The following PAK2 variants were observed in gnomAD, a reference collection of about 807,000 sequenced individuals.
The protein encoded by PAK2 is serine/threonine-protein kinase PAK 2.
Under a neutral mutation model 65.9 loss-of-function variants are expected in PAK2, and 21 were observed. That is an observed-to-expected ratio of 0.32 (90% confidence interval 0.23 to 0.46). The LOEUF is 0.46. Ranked by LOEUF, PAK2 falls within the 20% of genes least tolerant of loss-of-function variation. The pLI is 1.00. For synonymous variants in PAK2, 204 were observed against 219.7 expected (o/e 0.93, Z 0.63); for missense variants, 324 against 642.6 (o/e 0.50, Z 5.36).
chr3:196,768,508 T>G (rs9825029), intron 1 of PAK2, among the ~76,000 whole-genome samples: 1,705 of 145,138 alleles, frequency 0.012, 46 homozygotes, highest in African/African-American at 0.041. Context: ...ATGTATGTAT[T>G]TATTTATTTA....
intron 2 of PAK2, among the ~76,000 whole-genome samples, chr3:196,788,217 CAG>C (rs1454603617): frequency 6.6e-6 from 1 of 152,160 alleles, no homozygotes; most frequent in Non-Finnish European, 1.5e-5. Context: ...CATCTTGAAA[CAG>C]AAGAGTCTAA....
At chr3:196,812,020 C>G (rs926995280) in intron 8 of PAK2, among the ~76,000 whole-genome samples, 199 bp from the exon 9 acceptor site, 1 of 151,976 alleles carries the variant, frequency 6.6e-6, no homozygotes, top group Non-Finnish European at 1.5e-5. Context: ...AAATATTTCA[C>G]ACATAAGTTT....
Position 196,751,693 on chromosome 3 carries a change from AT to A in PAK2, c.-22+11537del, listed in dbSNP as rs1446547435. 4.8e-3 allele frequency among the ~76,000 whole-genome samples: 232 copies of A among 48,802 alleles called. 35 individuals are homozygous for A. Among genetic ancestry groups the A allele is most frequent in the Non-Finnish European group, 6.4e-3 (149 of 23,376 alleles). 32.0% of individuals were successfully genotyped at this position (48,802 alleles called of 152,430 possible). A position where few individuals can be genotyped will look rare whatever the true frequency, so the allele number is the denominator to read the frequency against. Reference sequence around the variant, plus strand: ...TATATACATATATATATATATATATATAATTCAGGCTATATATAAAAGGCAT... The same window carrying A: ...TATATACATATATATATATATATATAAATTCAGGCTATATATAAAAGGCAT... On this transcript the variant is annotated intron_variant, in intron 1 of 14. Coordinates refer to ENST00000327134, the MANE Select transcript of PAK2 (RefSeq NM_002577.4).
chr3:196,756,231 G>GA, intron 1 of PAK2, among the ~76,000 whole-genome samples: 1 of 152,086 alleles, frequency 6.6e-6, no homozygotes, highest in South Asian at 2.1e-4. Context: ...AAGAAAAAGA[G>GA]AAAAAAGGGT....
intron 2 of PAK2, among the ~76,000 whole-genome samples, chr3:196,789,494 A>C (rs1553805210): frequency 1.9e-5 from 2 of 104,836 alleles, no homozygotes; most frequent in African/African-American, 4.4e-5. Context: ...TTTTTGTTTC[A>C]TCTTGTTGCC....
chr3:196,766,182 A>G (rs1714160510), intron 1 of PAK2, among the ~76,000 whole-genome samples: 1 of 152,142 alleles, frequency 6.6e-6, no homozygotes, highest in Non-Finnish European at 1.5e-5. Flanking sequence ...GACATGAGCC[A>G]CCATGCCTGG....
intron 4 of PAK2, among the ~76,000 whole-genome samples, chr3:196,804,498 T>TACTCTGTTGCCCAGGCTGGAGTGC (rs1442059711): frequency 2.0e-5 from 3 of 152,088 alleles, no homozygotes; most frequent in Non-Finnish European, 4.4e-5. Flanking sequence ...AGCTGGAGTT[T>TACTCTGTTGCCCAGGCTGGAGTGC]ACTCTGTTGC....
intron 11 of PAK2, among the ~76,000 whole-genome samples, chr3:196,815,428 A>G (rs1240859880): frequency 3.4e-5 from 5 of 147,648 alleles, no homozygotes; most frequent in Non-Finnish European, 6.0e-5. Flanking sequence ...GGAGGCAGAC[A>G]TTGCAGTGAG....
At chr3:196,793,554 C>G (rs1383058391) in intron 2 of PAK2, among the ~76,000 whole-genome samples, 1 of 151,910 alleles carries the variant, frequency 6.6e-6, no homozygotes, top group Non-Finnish European at 1.5e-5. Flanking sequence ...TATGAAAAAC[C>G]CTTTATAAAT....
chr3:196,746,070 G>T (rs1358544125), intron 1 of PAK2, among the ~76,000 whole-genome samples: 4 of 150,608 alleles, frequency 2.7e-5, no homozygotes, highest in Admixed American at 2.0e-4. Context: ...CTCGTGATCC[G>T]CCTGCCTCAG....
At chr3:196,769,524 C>T (rs886830383) in intron 1 of PAK2, among the ~76,000 whole-genome samples, 5 of 151,688 alleles carry the variant, frequency 3.3e-5, no homozygotes, top group African/African-American at 1.2e-4. Flanking sequence ...AGCAATTCCG[C>T]ATCCCGGCCA....
intron 1 of PAK2, among the ~76,000 whole-genome samples, chr3:196,761,843 C>A (rs1294137067): frequency 1.3e-5 from 2 of 149,222 alleles, no homozygotes; most frequent in Non-Finnish European, 3.0e-5. Context: ...CTGACCCCCC[C>A]CCACCTCCCT....
At chr3:196,759,752 C>T (rs962191734) in intron 1 of PAK2, among the ~76,000 whole-genome samples, 5 of 151,874 alleles carry the variant, frequency 3.3e-5, no homozygotes, top group African/African-American at 1.2e-4. Context: ...GTCTTGAACT[C>T]CTGAGCTCGT....
chr3:196,814,980 C>G (rs1302191290), intron 11 of PAK2, among the ~76,000 whole-genome samples: 1 of 150,678 alleles, frequency 6.6e-6, no homozygotes, highest in East Asian at 2.0e-4. Context: ...GAGATCGAGA[C>G]CATCCTGGCT....
At chr3:196,754,939 C>T (rs1056637078) in intron 1 of PAK2, among the ~76,000 whole-genome samples, 9 of 152,268 alleles carry the variant, frequency 5.9e-5, no homozygotes, top group Admixed American at 2.0e-4. Context: ...CCAAATAAAG[C>T]GATGGCTAGT....
intron 2 of PAK2, among the ~76,000 whole-genome samples, chr3:196,789,861 G>T (rs570550911): frequency 6.6e-6 from 1 of 152,338 alleles, no homozygotes; most frequent in African/African-American, 2.4e-5. Flanking sequence ...CTCATAAGGA[G>T]TGTGCAGCCT....
At chr3:196,813,694 G>T (rs1220425418) in intron 10 of PAK2, among the ~76,000 whole-genome samples, 1 of 152,120 alleles carries the variant, frequency 6.6e-6, no homozygotes, top group East Asian at 1.9e-4. Context: ...GCTCACGCCT[G>T]TAATCCCAGC....
At chr3:196,819,250 T>C (rs1711579005) in intron 12 of PAK2, among the ~76,000 whole-genome samples, 1 of 152,088 alleles carries the variant, frequency 6.6e-6, no homozygotes, top group Non-Finnish European at 1.5e-5. Flanking sequence ...GAGACCAGAC[T>C]GAGCAACATG....
intron 4 of PAK2, among the ~76,000 whole-genome samples, chr3:196,804,822 TATAC>T (rs200694169): frequency 5.6e-4 from 6 of 10,648 alleles, no homozygotes; most frequent in South Asian, 1.6e-3. Context: ...TATATATATA[TATAC>T]ACATATATAT....
Sources: gnomAD v4.1 joint callset for allele counts (sites outside exome capture counted in the v4.1 genomes callset) on GRCh38, gnomAD v4.1.1 for gene constraint, MANE v1.5 for transcripts, NCBI Gene and HGNC (gene_info 2026-07-23, HGNC 2026-07-21) for gene names.